KCNIP4: variants seen among roughly 807,000 people sequenced by gnomAD.
KCNIP4 encodes the protein Kv channel-interacting protein 4.
Under a neutral mutation model 34.0 loss-of-function variants are expected in KCNIP4, and 12 were observed. That is an observed-to-expected ratio of 0.35 (90% CI 0.23 to 0.57). The LOEUF is 0.57. KCNIP4 is among the 20% of genes least tolerant of loss of function. The pLI is 0.83. For missense variants in KCNIP4, 238 were observed against 311.7 expected (o/e 0.76, Z 1.78); for synonymous variants, 124 against 102.2 (o/e 1.21, Z -1.29).
intron 4 of KCNIP4, among the ~76,000 whole-genome samples, chr4:20,754,350 A>AG (rs1754142528): frequency 6.6e-6 from 1 of 152,168 alleles, no homozygotes; most frequent in South Asian, 2.1e-4. Flanking sequence ...GGAAATGGTG[A>AG]GATGTTGTGA....
chr4:20,937,576 G>GA (rs1731210066), intron 1 of KCNIP4, among the ~76,000 whole-genome samples: 1 of 151,972 alleles, frequency 6.6e-6, no homozygotes. Flanking sequence ...GATACTGGAA[G>GA]AAAAAATGTG....
At chr4:21,701,029 A>T (rs1577871094) in intron 1 of KCNIP4, among the ~76,000 whole-genome samples, 2 of 152,204 alleles carry the variant, frequency 1.3e-5, no homozygotes, top group Non-Finnish European at 2.9e-5. Context: ...ATGAATGAAT[A>T]AAAAAATGTG....
chr4:21,076,224 C>A (rs954964609), intron 1 of KCNIP4, among the ~76,000 whole-genome samples: 4 of 152,108 alleles, frequency 2.6e-5, no homozygotes, highest in African/African-American at 9.7e-5. Context: ...GGATAATATC[C>A]TGCAGAGTGT....
At chr4:21,771,989 T>C (rs1718826467) in intron 1 of KCNIP4, among the ~76,000 whole-genome samples, 1 of 152,176 alleles carries the variant, frequency 6.6e-6, no homozygotes, top group Admixed American at 6.5e-5. Context: ...GAGGGCATCC[T>C]TGTCTTGTGC....
chr4:21,798,995 G>T (rs1246850576), intron 1 of KCNIP4, among the ~76,000 whole-genome samples: 1 of 150,736 alleles, frequency 6.6e-6, no homozygotes, highest in African/African-American at 2.4e-5. Context: ...CATTTTCCTA[G>T]AAGAAATATC....
intron 1 of KCNIP4, among the ~76,000 whole-genome samples, chr4:21,315,007 A>C (rs2109283927): frequency 6.6e-6 from 1 of 152,254 alleles, no homozygotes; most frequent in Middle Eastern, 3.4e-3. Flanking sequence ...TCACTTCCTC[A>C]AGTTAGATGA....
At chr4:21,781,892 T>C (rs1488974022) in intron 1 of KCNIP4, among the ~76,000 whole-genome samples, 13 of 152,044 alleles carry the variant, frequency 8.6e-5, no homozygotes, top group Admixed American at 8.5e-4. Context: ...TAAACTTTAT[T>C]AACTAATGCA....
intron 1 of KCNIP4, among the ~76,000 whole-genome samples, chr4:20,934,693 TAAAC>T (rs1433943686): frequency 6.6e-6 from 1 of 152,052 alleles, no homozygotes; most frequent in East Asian, 1.9e-4. Flanking sequence ...TGAGGAGAAA[TAAAC>T]AAAAAATAAG....
chr4:21,768,945 AT>A (rs1401447499), intron 1 of KCNIP4, among the ~76,000 whole-genome samples: 1 of 151,872 alleles, frequency 6.6e-6, no homozygotes. Context: ...ATTTTTTTCA[AT>A]TTTTTTTGTT....
intron 1 of KCNIP4, among the ~76,000 whole-genome samples, chr4:21,181,170 T>A (rs1279192514): frequency 6.6e-6 from 1 of 152,094 alleles, no homozygotes; most frequent in Non-Finnish European, 1.5e-5. Context: ...GGAAATAGCA[T>A]AAAGACATTT....
At chr4:21,906,739 C>T (rs576790341) in intron 1 of KCNIP4, among the ~76,000 whole-genome samples, 6 of 152,284 alleles carry the variant, frequency 3.9e-5, no homozygotes, top group African/African-American at 1.4e-4. Flanking sequence ...AATCTTTACA[C>T]ACCTATAAAA....
intron 1 of KCNIP4, among the ~76,000 whole-genome samples, chr4:20,889,062 A>G (rs1308878294): frequency 1.3e-5 from 2 of 152,122 alleles, no homozygotes; most frequent in Non-Finnish European, 2.9e-5. Flanking sequence ...CATCCTTTAA[A>G]TTGCTGTGAA....
At position 20,826,711 on chromosome 4, in the gene KCNIP4, A is replaced by AT. The variant is rs542596690; in HGVS notation, c.288+23831dup. Among the ~76,000 whole-genome samples, 194 of 152,254 alleles carry AT rather than the reference A, an allele frequency of 1.3e-3. 1 individual carries two copies. Among genetic ancestry groups the AT allele is most frequent in the African/African-American group, 4.3e-3 (180 of 41,554 alleles). On this transcript the variant is annotated intron_variant, in intron 3 of 8. Transcript: ENST00000382152. The stretch of plus-strand genomic sequence containing the variant: ...GTGCCTTAACTTTGACCCAGAAGAA[A>AT]TTTTTTTGTAATGAGAGCCTGGAAG...
chr4:21,841,804 T>G (rs1373004819), intron 1 of KCNIP4, among the ~76,000 whole-genome samples: 1 of 152,188 alleles, frequency 6.6e-6, no homozygotes, highest in East Asian at 1.9e-4. Context: ...ATTAGTTGTT[T>G]ATAAAATGTT....
At chr4:21,325,218 G>A (rs74675665) in intron 1 of KCNIP4, among the ~76,000 whole-genome samples, 4,630 of 151,894 alleles carry the variant, frequency 0.03, 111 homozygotes, top group Middle Eastern at 0.051. Flanking sequence ...GTTCAGCAGC[G>A]AAGCCAGTGG....
At chr4:21,798,754 T>A (rs920498803) in intron 1 of KCNIP4, among the ~76,000 whole-genome samples, 2 of 151,994 alleles carry the variant, frequency 1.3e-5, no homozygotes, top group African/African-American at 4.8e-5. Context: ...TCAGAAACTA[T>A]CTGAAAGTTT....
At chr4:21,086,415 G>T (rs1577666801) in intron 1 of KCNIP4, among the ~76,000 whole-genome samples, 1 of 152,048 alleles carries the variant, frequency 6.6e-6, no homozygotes, top group African/African-American at 2.4e-5. Context: ...TGCCTGGTAG[G>T]TATTGGATTT....
chr4:21,683,005 A>G (rs1560624498), intron 1 of KCNIP4, among the ~76,000 whole-genome samples: 1 of 152,228 alleles, frequency 6.6e-6, no homozygotes, highest in Non-Finnish European at 1.5e-5. Flanking sequence ...AATGGCGCTG[A>G]TAGTATTGCA....
intron 1 of KCNIP4, among the ~76,000 whole-genome samples, chr4:21,429,043 T>C (rs1332733088): frequency 6.6e-6 from 1 of 152,134 alleles, no homozygotes; most frequent in Non-Finnish European, 1.5e-5. Context: ...ATTCTATAGG[T>C]TTTGACAAAT....
Sources: allele counts gnomAD v4.1 joint callset (sites outside exome capture counted in the v4.1 genomes callset), GRCh38; gene constraint gnomAD v4.1.1; transcripts MANE v1.5; gene names NCBI Gene and HGNC (gene_info 2026-07-23, HGNC 2026-07-21).